The following MAGI3 variants were observed in gnomAD, a reference collection of about 807,000 sequenced individuals.
MAGI3 encodes membrane-associated guanylate kinase, WW and PDZ domain-containing protein 3.
In MAGI3, 43 loss-of-function variants were observed where a neutral mutation model predicts 121.8. That is an observed-to-expected ratio of 0.35 (90% CI 0.28 to 0.46). The LOEUF (loss-of-function observed/expected upper bound fraction) is 0.46. Among genes scored for constraint, MAGI3 ranks in the 20% least tolerant of loss-of-function variants. The pLI is 1.00. For synonymous variants in MAGI3, 553 were observed against 639.3 expected, an observed-to-expected ratio of 0.86 and a Z score of 2.04; for missense variants, 1,547 against 1,797.3, an observed-to-expected ratio of 0.86 and a Z score of 2.52.
intron 18 of MAGI3, 86 bp from the exon 19 acceptor site, chr1:113,673,236 T>C: frequency 1.4e-6 from 2 of 1,453,068 alleles, no homozygotes; most frequent in Non-Finnish European, 1.9e-6. Context: ...ATAAATCATT[T>C]CTTCCAGCTA....
intron 1 of MAGI3, among the ~76,000 whole-genome samples, chr1:113,413,319 C>G (rs1266087529): frequency 6.6e-6 from 1 of 152,112 alleles, no homozygotes; most frequent in Non-Finnish European, 1.5e-5. Context: ...TGTGATGCCT[C>G]CAGCTTTGTT....
intron 2 of MAGI3, among the ~76,000 whole-genome samples, chr1:113,564,723 G>A (rs999580654): frequency 2.6e-5 from 4 of 151,874 alleles, no homozygotes; most frequent in Non-Finnish European, 5.9e-5. Flanking sequence ...TGAATGAATG[G>A]AAGCATTAAC....
intron 1 of MAGI3, among the ~76,000 whole-genome samples, chr1:113,433,970 T>A (rs1375447792): frequency 6.6e-6 from 1 of 152,332 alleles, no homozygotes; most frequent in Non-Finnish European, 1.5e-5. Flanking sequence ...TGTGATTTTT[T>A]AAAAAGTTGT....
intron 1 of MAGI3, among the ~76,000 whole-genome samples, chr1:113,514,043 A>G (rs1439175110): frequency 4.6e-5 from 7 of 152,056 alleles, no homozygotes; most frequent in Non-Finnish European, 1.0e-4. Flanking sequence ...ATCACTGGCC[A>G]TCAGAGAAAT....
At chr1:113,507,800 A>G (rs1319493102) in intron 1 of MAGI3, among the ~76,000 whole-genome samples, 1 of 152,214 alleles carries the variant, frequency 6.6e-6, no homozygotes, top group African/African-American at 2.4e-5. Context: ...ATTTTTACCT[A>G]CTAAAGAAAG....
intron 6 of MAGI3, among the ~76,000 whole-genome samples, chr1:113,603,212 A>G (rs1008942278): frequency 6.6e-6 from 1 of 152,212 alleles, no homozygotes; most frequent in Non-Finnish European, 1.5e-5. Context: ...AGTGAAATTG[A>G]AACTGTGCAC....
At chr1:113,414,423 C>G (rs1432641487) in intron 1 of MAGI3, among the ~76,000 whole-genome samples, 1 of 152,088 alleles carries the variant, frequency 6.6e-6, no homozygotes, top group East Asian at 1.9e-4. Flanking sequence ...CCCTCTTTTT[C>G]TACTATTGAA....
chr1:113,404,025 A>C (rs964431411), intron 1 of MAGI3: 1 of 151,922 alleles, frequency 6.6e-6, no homozygotes, highest in Non-Finnish European at 1.5e-5. Flanking sequence ...TGTAGTTGGA[A>C]TAATCATAGG....
intron 1 of MAGI3, among the ~76,000 whole-genome samples, chr1:113,477,098 T>A (rs1247754553): frequency 1.3e-5 from 2 of 152,114 alleles, no homozygotes; most frequent in African/African-American, 2.4e-5. Context: ...CCTCCATCCC[T>A]TTATTTTGAG....
chr1:113,470,815 CACTGAGTATA>C (rs1655505395), intron 1 of MAGI3, among the ~76,000 whole-genome samples: 2 of 152,166 alleles, frequency 1.3e-5, no homozygotes, highest in Non-Finnish European at 1.5e-5. Flanking sequence ...AGGCTTATTT[CACTGAGTATA>C]ATACCCTCTA....
chr1:113,462,252 A>G (rs935600691), intron 1 of MAGI3, among the ~76,000 whole-genome samples: 3 of 152,232 alleles, frequency 2.0e-5, no homozygotes, highest in African/African-American at 7.2e-5. Flanking sequence ...CTGTAAAGAC[A>G]CATCCATGTG....
chr1:113,653,987 C>A lies in MAGI3; in HGVS notation c.2598C>A (p.Ile866=), dbSNP rs751899561. The change falls in exon 15 of 21, where the codon ATC becomes ATA. Residue 866 remains isoleucine, a synonymous_variant. Transcript: ENST00000307546. ...AAAATGAAGGATTTGGCTTTGTCATCCTCACCTCCAAAAACAAACCACCTC... is the reference window on the plus strand; with the variant it reads ...AAAATGAAGGATTTGGCTTTGTCATACTCACCTCCAAAAACAAACCACCTC... ...RKENEGFGFV[I]LTSKNKPPPG... is the part of the protein sequence containing the mutation. 20 of 1,613,736 alleles carry A rather than the reference C, an allele frequency of 1.2e-5. No individual in the cohort carries two copies. The Admixed American group carries it at 2.8e-4, about 23-fold the overall frequency.
At chr1:113,598,224 C>G (rs1294669348) in intron 6 of MAGI3, among the ~76,000 whole-genome samples, 2 of 150,884 alleles carry the variant, frequency 1.3e-5, no homozygotes, top group South Asian at 4.2e-4. Context: ...ATCCCCCCAC[C>G]CCCCCTCCAA....
intron 2 of MAGI3, among the ~76,000 whole-genome samples, chr1:113,579,707 A>G (rs1358089346): frequency 1.3e-5 from 2 of 152,164 alleles, no homozygotes; most frequent in Non-Finnish European, 2.9e-5. Flanking sequence ...ATGGGAATGA[A>G]AAGAAGTATT....
intron 2 of MAGI3, among the ~76,000 whole-genome samples, chr1:113,560,595 A>G (rs1201685139): frequency 6.6e-6 from 1 of 152,190 alleles, no homozygotes; most frequent in Non-Finnish European, 1.5e-5. Flanking sequence ...ACACATCAGA[A>G]TCTCTGAGAT....
At chr1:113,606,110 C>T (rs1649759326) in intron 6 of MAGI3, among the ~76,000 whole-genome samples, 1 of 151,942 alleles carries the variant, frequency 6.6e-6, no homozygotes, top group Non-Finnish European at 1.5e-5. Context: ...GGACTACAGG[C>T]TCATGCCACC....
At chr1:113,571,866 C>A (rs987108412) in intron 2 of MAGI3, among the ~76,000 whole-genome samples, 3 of 152,172 alleles carry the variant, frequency 2.0e-5, no homozygotes, top group African/African-American at 7.2e-5. Context: ...TCCTCTCTTC[C>A]TATTTGAATA....
rs1651487961 is a variant in MAGI3 at position 113,403,048 on chromosome 1, A to T, written c.316+11699A>T. ...TCCTTTGCAATATCAGTCAGGGTTC[A>T]GTGCAGGAAACAGAAGGGGATATAA... On this transcript the variant is annotated intron_variant, in intron 1 of 20. Transcript: ENST00000307546. Among the ~76,000 whole-genome samples the T allele has an allele frequency of 2.0e-5, 3 of 152,274 alleles. No homozygotes were observed. The South Asian group carries it at 6.2e-4, about 32-fold the overall frequency.
intron 1 of MAGI3, among the ~76,000 whole-genome samples, chr1:113,424,986 T>A (rs1157413721): frequency 1.7e-4 from 26 of 151,698 alleles, no homozygotes; most frequent in Non-Finnish European, 1.5e-5. Flanking sequence ...ATACAAAAAA[T>A]TAAATAAGTA....
Sources: gnomAD v4.1 joint callset for allele counts (sites outside exome capture counted in the v4.1 genomes callset) on GRCh38, gnomAD v4.1.1 for gene constraint, MANE v1.5 for transcripts, NCBI Gene and HGNC (gene_info 2026-07-23, HGNC 2026-07-21) for gene names.